The following PRICKLE1 variants were observed in gnomAD, a reference collection of about 807,000 sequenced individuals.
The protein encoded by PRICKLE1 is prickle-like protein 1.
PRICKLE1 carries 14 observed loss-of-function variants against 70.2 expected under a neutral mutation model. That is an observed-to-expected ratio of 0.20 (90% CI 0.13 to 0.31). The LOEUF (loss-of-function observed/expected upper bound fraction) is 0.31. PRICKLE1 is among the 10% of genes least tolerant of loss of function. The pLI is 1.00. For synonymous variants in PRICKLE1, 357 were observed against 379.9 expected, an observed-to-expected ratio of 0.94 and a Z score of 0.70; for missense variants, 821 against 1,026.2, an observed-to-expected ratio of 0.80 and a Z score of 2.73.
intron 1 of PRICKLE1, among the ~76,000 whole-genome samples, chr12:42,499,764 G>T (rs887338893): frequency 2.0e-5 from 3 of 151,562 alleles, no homozygotes; most frequent in Non-Finnish European, 4.4e-5. Flanking sequence ...GTCTTGCTCT[G>T]TTGCCCACGC....
intron 1 of PRICKLE1, among the ~76,000 whole-genome samples, chr12:42,498,975 A>G (rs1255854818): frequency 6.6e-6 from 1 of 152,244 alleles, no homozygotes; most frequent in Non-Finnish European, 1.5e-5. Flanking sequence ...CCCAAAACTA[A>G]CAGCATGAGA....
At position 42,583,222 on chromosome 12, in the gene PRICKLE1, C is replaced by T. The variant is rs117815925; in HGVS notation, c.-49+6243G>A. On this transcript the variant is annotated intron_variant, in intron 1 of 7. Coordinates refer to ENST00000345127, the MANE Select transcript of PRICKLE1 (RefSeq NM_153026.3). ...TAACTGGGGCAGAGGAGCTGGCCAA[C>T]ATAGAAAAAGGTTTTAATAGACTTT... 3.6e-3 allele frequency among the ~76,000 whole-genome samples: 551 copies of T among 151,968 alleles called. 7 individuals are homozygous for T. The highest frequency in any genetic ancestry group is 0.034 in the East Asian group (177 of 5,162).
At chr12:42,537,276 A>G (rs1940030507) in intron 1 of PRICKLE1, among the ~76,000 whole-genome samples, 1 of 152,030 alleles carries the variant, frequency 6.6e-6, no homozygotes, top group African/African-American at 2.4e-5. Flanking sequence ...CTTCTGCCTC[A>G]GCCTCTGGAG....
At chr12:42,533,877 CT>C (rs552027982) in intron 1 of PRICKLE1, among the ~76,000 whole-genome samples, 3 of 152,282 alleles carry the variant, frequency 2.0e-5, no homozygotes, top group African/African-American at 7.2e-5. Flanking sequence ...AAAAACGCCC[CT>C]AACGACAAAA....
intron 1 of PRICKLE1, among the ~76,000 whole-genome samples, chr12:42,565,218 G>A (rs1247245834): frequency 2.0e-5 from 3 of 152,214 alleles, no homozygotes; most frequent in South Asian, 4.1e-4. Flanking sequence ...GAGAGGGGAA[G>A]TGGGGCGGCC....
intron 1 of PRICKLE1, among the ~76,000 whole-genome samples, chr12:42,534,072 T>C (rs772980313): frequency 2.6e-5 from 4 of 152,128 alleles, no homozygotes; most frequent in Non-Finnish European, 5.9e-5. Flanking sequence ...CTCCTACTTA[T>C]TGTATAAAGT....
intron 1 of PRICKLE1, among the ~76,000 whole-genome samples, chr12:42,539,428 A>G (rs7302704): frequency 0.16 from 23,649 of 151,326 alleles, 2,140 homozygotes; most frequent in East Asian, 0.26. Context: ...AGATCATGCC[A>G]CTGCACTCCA....
rs12823141 is a variant in PRICKLE1, at chr12:42,483,163, G to T, written c.-48-10599C>A. ...AATTCCCCGTTACCCTCCTCCAGCA[G>T]AAAGCCTCGCGCCGCTCTTGGCGCC... is the stretch of plus-strand genomic sequence containing the variant. On this transcript the variant is annotated intron_variant, in intron 1 of 7. Coordinates refer to ENST00000345127, the MANE Select transcript of PRICKLE1 (RefSeq NM_153026.3). 0.16 allele frequency: 24,522 copies of T among 152,998 alleles called. 2,161 individuals are homozygous for T. The highest frequency in any genetic ancestry group is 0.25 in the Admixed American group (3,852 of 15,312). The allele number at this position is 152,998 out of a possible 1,614,324, so 9.5% of individuals were successfully genotyped here.
chr12:42,460,492 C>G lies in PRICKLE1; in HGVS notation c.1813G>C (p.Glu605Gln). The G allele has an allele frequency of 1.2e-6, 2 of 1,613,782 alleles. No individual in the cohort carries two copies. Among genetic ancestry groups the G allele is most frequent in the Non-Finnish European group, 1.7e-6 (2 of 1,179,700 alleles). ...GGCTTCTCTTCAGGCAGGATTTTCT[C>G]TGGACACAACTCTGAACTTAGACTC... ...LKSLSSELCP[E>Q]KILPEEKPVH... The change falls in exon 8 of 8, where the codon GAG (glutamate) becomes CAG (glutamine). Residue 605 changes from glutamate (E) to glutamine (Q), a missense_variant. Physicochemically the swap from Glu to Gln is conservative, Grantham distance 29 (BLOSUM62 2). Transcript: ENST00000345127.
intron 1 of PRICKLE1, among the ~76,000 whole-genome samples, chr12:42,555,265 T>G (rs12827741): frequency 1.3e-5 from 2 of 152,024 alleles, no homozygotes; most frequent in Non-Finnish European, 2.9e-5. Flanking sequence ...GATCACGCCA[T>G]TGCACTCCAG....
intron 1 of PRICKLE1, among the ~76,000 whole-genome samples, chr12:42,495,884 C>A (rs1014264628): frequency 3.3e-5 from 5 of 152,228 alleles, no homozygotes; most frequent in African/African-American, 1.2e-4. Context: ...TGAGCCACTG[C>A]GCCCAGCCCC....
chr12:42,535,697 T>C (rs1206856295), intron 1 of PRICKLE1, among the ~76,000 whole-genome samples: 4 of 152,152 alleles, frequency 2.6e-5, no homozygotes, highest in East Asian at 3.8e-4. Context: ...GGCAGGAGGA[T>C]TGCTTGAGCC....
intron 1 of PRICKLE1, among the ~76,000 whole-genome samples, chr12:42,474,585 TTC>T (rs1938451848): frequency 6.6e-6 from 1 of 152,224 alleles, no homozygotes; most frequent in African/African-American, 2.4e-5. Flanking sequence ...AGGAAAGGCT[TTC>T]TAAACATAGG....
chr12:42,581,296 T>C (rs1157423448), intron 1 of PRICKLE1, among the ~76,000 whole-genome samples: 1 of 152,102 alleles, frequency 6.6e-6, no homozygotes, highest in Non-Finnish European at 1.5e-5. Flanking sequence ...ACACAGTTAT[T>C]GTACTAGTCT....
chr12:42,587,429 A>C (rs1019369211), intron 1 of PRICKLE1, among the ~76,000 whole-genome samples: 2 of 151,928 alleles, frequency 1.3e-5, no homozygotes, highest in African/African-American at 4.8e-5. Flanking sequence ...AAACTTGGAG[A>C]TTTTCAAGTT....
chr12:42,588,996 G>C (rs1006423002), intron 1 of PRICKLE1, among the ~76,000 whole-genome samples: 4 of 152,004 alleles, frequency 2.6e-5, no homozygotes, highest in African/African-American at 9.7e-5. Flanking sequence ...GAGTTGATTC[G>C]CCTCTGCCAA....
intron 1 of PRICKLE1, among the ~76,000 whole-genome samples, chr12:42,492,329 T>C (rs1939121832): frequency 6.6e-6 from 1 of 152,224 alleles, no homozygotes; most frequent in African/African-American, 2.4e-5. Context: ...AAAACTATTT[T>C]GCTCACCAGG....
At chr12:42,582,658 G>C (rs1183799537) in intron 1 of PRICKLE1, among the ~76,000 whole-genome samples, 2 of 152,208 alleles carry the variant, frequency 1.3e-5, no homozygotes, top group Non-Finnish European at 2.9e-5. Flanking sequence ...TGATTTGAAA[G>C]AGATATTTCA....
chr12:42,539,585 TG>T (rs1940074390), intron 1 of PRICKLE1, among the ~76,000 whole-genome samples: 1 of 152,180 alleles, frequency 6.6e-6, no homozygotes, highest in African/African-American at 2.4e-5. Context: ...GCTGCTGTCT[TG>T]TTATGAGCAC....
Sources: allele counts gnomAD v4.1 joint callset (sites outside exome capture counted in the v4.1 genomes callset), GRCh38; gene constraint gnomAD v4.1.1; transcripts MANE v1.5; gene names NCBI Gene and HGNC (gene_info 2026-07-23, HGNC 2026-07-21).